Variants in MACC1 observed in about 807,000 individuals in gnomAD.
MACC1 encodes the protein metastasis-associated in colon cancer protein 1.
Under a neutral mutation model 70.7 loss-of-function variants are expected in MACC1, and 79 were observed. That is an observed-to-expected ratio of 1.12 (90% CI 0.93 to 1.35). The LOEUF is 1.35. Among genes scored for constraint, MACC1 ranks in the 40% most tolerant of loss-of-function variants. MACC1 has a pLI of 0.00. For missense variants in MACC1, 1,106 were observed against 978.1 expected (o/e 1.13, Z -1.74); for synonymous variants, 361 against 347.2 (o/e 1.04, Z -0.44).
intron 1 of MACC1, among the ~76,000 whole-genome samples, chr7:20,206,061 G>A (rs539462426): frequency 1.8e-4 from 27 of 151,596 alleles, no homozygotes; most frequent in South Asian, 4.2e-4. Context: ...GAACTCCATC[G>A]TCTTTCTCAC....
At chr7:20,143,314 A>G (rs549871230) in intron 6 of MACC1, among the ~76,000 whole-genome samples, 2 of 152,364 alleles carry the variant, frequency 1.3e-5, no homozygotes, top group East Asian at 3.9e-4. Flanking sequence ...GTCCGACGAC[A>G]CATCTACTCA....
chr7:20,163,942 GTTTA>G (rs1352246373), intron 3 of MACC1, among the ~76,000 whole-genome samples: 2 of 152,062 alleles, frequency 1.3e-5, no homozygotes, highest in South Asian at 2.1e-4. Flanking sequence ...ATCATTATTT[GTTTA>G]TTTATTCAGA....
At chr7:20,205,216 G>T (rs908639213) in intron 1 of MACC1, among the ~76,000 whole-genome samples, 4 of 152,170 alleles carry the variant, frequency 2.6e-5, no homozygotes, top group African/African-American at 7.2e-5. Context: ...TGTAACTTCA[G>T]TTGGGAGGAA....
At chr7:20,173,348 A>G (rs1483703472) in intron 1 of MACC1, among the ~76,000 whole-genome samples, 2 of 152,252 alleles carry the variant, frequency 1.3e-5, no homozygotes, top group African/African-American at 4.8e-5. Context: ...ACTATGATAA[A>G]GGAAAAATTT....
intron 1 of MACC1, among the ~76,000 whole-genome samples, chr7:20,173,213 T>C (rs1461538601): frequency 1.3e-5 from 2 of 152,226 alleles, no homozygotes; most frequent in Non-Finnish European, 2.9e-5. Flanking sequence ...GGTGATAATA[T>C]ACATGTTTTG....
chr7:20,209,788 T>C (rs752555989), intron 1 of MACC1, among the ~76,000 whole-genome samples: 58 of 152,278 alleles, frequency 3.8e-4, no homozygotes, highest in Middle Eastern at 3.4e-3. Context: ...CCAAATCTCA[T>C]CTTGAATTGT....
chr7:20,149,480 T>G (rs1457546253), intron 6 of MACC1, among the ~76,000 whole-genome samples: 1 of 152,194 alleles, frequency 6.6e-6, no homozygotes, highest in Non-Finnish European at 1.5e-5. Flanking sequence ...AGTATTATTC[T>G]CCTTACTTCA....
intron 1 of MACC1, among the ~76,000 whole-genome samples, chr7:20,199,937 A>C (rs577660936): frequency 6.6e-6 from 1 of 152,260 alleles, no homozygotes; most frequent in East Asian, 1.9e-4. Flanking sequence ...CTTGCAAACC[A>C]AGTTTTAAGG....
rs1281653934 is a variant in MACC1 at position 20,158,664 on chromosome 7, A to G, written c.1697T>C (p.Ile566Thr). 3.1e-6 allele frequency: 5 copies of G among 1,613,870 alleles called. No homozygotes were observed. Among genetic ancestry groups the G allele is most frequent in the Non-Finnish European group, 4.2e-6 (5 of 1,179,976 alleles). Reference protein sequence around the residue: ...TLKAVLRQSKIDYFLEYFKGD... With the variant: ...TLKAVLRQSKTDYFLEYFKGD... ...TTTGAAATATTCAAGGAAGTAATCA[A>G]TCTTGCTTTGTCTTAGCACTGCCTT... The change falls in exon 5 of 7, where the codon ATT becomes ACT. Residue 566 changes from isoleucine (I) to threonine (T), a missense_variant. Coordinates refer to ENST00000400331, the MANE Select transcript of MACC1 (RefSeq NM_182762.4).
chr7:20,187,511 C>T (rs1782605876), intron 1 of MACC1, among the ~76,000 whole-genome samples: 1 of 152,212 alleles, frequency 6.6e-6, no homozygotes, highest in African/African-American at 2.4e-5. Flanking sequence ...ACAGCTTAAA[C>T]TCCAAGGACA....
chr7:20,173,741 T>C (rs925999555), intron 1 of MACC1, among the ~76,000 whole-genome samples: 2 of 152,194 alleles, frequency 1.3e-5, no homozygotes, highest in Non-Finnish European at 2.9e-5. Context: ...AACTAACCAG[T>C]AGTCTCTGAA....
At chr7:20,204,401 G>A (rs954338103) in intron 1 of MACC1, among the ~76,000 whole-genome samples, 11 of 152,104 alleles carry the variant, frequency 7.2e-5, no homozygotes, top group African/African-American at 2.2e-4. Context: ...TGATCCACCC[G>A]CCTTGGCCTC....
rs1347044380 is a variant in MACC1 at position 20,136,041 on chromosome 7, G to C, written c.*4905C>G. 1 of 152,078 alleles carries C rather than the reference G, an allele frequency of 6.6e-6. No homozygotes were observed. The highest frequency in any genetic ancestry group is 1.5e-5 in the Non-Finnish European group (1 of 68,012). 9.4% of individuals were successfully genotyped at this position (152,078 alleles called of 1,614,324 possible). On this transcript the variant is annotated 3_prime_UTR_variant, in exon 7 of 7. Coordinates refer to ENST00000400331, the MANE Select transcript of MACC1 (RefSeq NM_182762.4). ...ACATTCTCTTTTCTCAAAGCAAAAAGAATAAAGAAAAACGCAATACATTCT... is the reference window on the plus strand; with the variant it reads ...ACATTCTCTTTTCTCAAAGCAAAAACAATAAAGAAAAACGCAATACATTCT...
At chr7:20,212,993 T>C (rs1047821037) in intron 1 of MACC1, among the ~76,000 whole-genome samples, 2 of 152,134 alleles carry the variant, frequency 1.3e-5, no homozygotes, top group Non-Finnish European at 2.9e-5. Flanking sequence ...ATGGTCATGT[T>C]TTCGTAGAGC....
chr7:20,160,379 G>C, intron 4 of MACC1, 134 bp from the exon 5 acceptor site: 1 of 1,030,508 alleles, frequency 9.7e-7, no homozygotes, highest in Non-Finnish European at 1.3e-6. Context: ...TAGTCTACTA[G>C]CTAACATAAA....
At chr7:20,180,378 G>C (rs1369149945) in intron 1 of MACC1, among the ~76,000 whole-genome samples, 1 of 151,448 alleles carries the variant, frequency 6.6e-6, no homozygotes, top group African/African-American at 2.4e-5. Flanking sequence ...GGGAGGAGGA[G>C]GTTGCAGTGA....
At chr7:20,175,956 G>A (rs184488603) in intron 1 of MACC1, among the ~76,000 whole-genome samples, 165 of 152,188 alleles carry the variant, frequency 1.1e-3, no homozygotes, top group South Asian at 2.3e-3. Context: ...AGAGATCAGT[G>A]TTAGAAGTGG....
rs1472311638 is a variant in MACC1 at position 20,141,158 on chromosome 7, T to A, written c.2347A>T (p.Met783Leu). 5.7e-6 allele frequency: 9 copies of A among 1,572,736 alleles called. No homozygotes were observed. The Admixed American group carries it at 7.7e-5, about 13-fold the overall frequency. ...RGNTGDVAVEMMWKPAYDFLY... is the reference protein window; with the variant it reads ...RGNTGDVAVELMWKPAYDFLY... ...AAATCATAGGCAGGTTTCCACATCA[T>A]CTATAAAGAAAAAAAATAGATTGGA... Residue 783 changes from methionine (M) to leucine (L), a missense_variant and splice_region_variant, in exon 7 of 7, where the codon ATG becomes TTG. Coordinates refer to ENST00000400331, the MANE Select transcript of MACC1 (RefSeq NM_182762.4).
At chr7:20,187,873 T>C (rs1158570764) in intron 1 of MACC1, among the ~76,000 whole-genome samples, 1 of 152,132 alleles carries the variant, frequency 6.6e-6, no homozygotes, top group Non-Finnish European at 1.5e-5. Flanking sequence ...GAAAAAACTA[T>C]CAGAGAGAAT....
Sources: gnomAD v4.1 joint callset for allele counts (sites outside exome capture counted in the v4.1 genomes callset) on GRCh38, gnomAD v4.1.1 for gene constraint, MANE v1.5 for transcripts, NCBI Gene and HGNC (gene_info 2026-07-23, HGNC 2026-07-21) for gene names.